The following IKBKB variants were observed in gnomAD, a reference collection of about 807,000 sequenced individuals.
IKBKB encodes inhibitor of nuclear factor kappa-B kinase subunit beta.
Under a neutral mutation model 113.6 loss-of-function variants are expected in IKBKB, and 42 were observed. The observed-to-expected ratio is 0.37, with a 90% CI of 0.29 to 0.48. The LOEUF is 0.48. IKBKB is among the 20% of genes least tolerant of loss of function. The pLI, the probability that IKBKB is intolerant of heterozygous loss-of-function variation, is 0.99. For missense variants in IKBKB, 673 were observed against 939.7 expected (o/e 0.72, Z 3.71); for synonymous variants, 296 against 361.3 (o/e 0.82, Z 2.05).
At chr8:42,272,006 T>G in intron 1 of IKBKB, 77 bp from the exon 2 acceptor site, 1 of 1,409,272 alleles carries the variant, frequency 7.1e-7, no homozygotes, top group Admixed American at 2.1e-5. Context: ...CAGTGGTATC[T>G]CTTGCCTTCT....
chr8:42,302,442 G>A (rs141129638), intron 5 of IKBKB, among the ~76,000 whole-genome samples: 2,654 of 152,202 alleles, frequency 0.017, 61 homozygotes, highest in African/African-American at 0.061. Context: ...CCACATGGTC[G>A]AAGGCTGGAC....
At chr8:42,314,079 A>G in intron 8 of IKBKB, 1 of 486,166 alleles carries the variant, frequency 2.1e-6, no homozygotes, top group East Asian at 3.6e-5. Flanking sequence ...AGATATGTTT[A>G]GATACACCAA....
At chr8:42,292,695 G>A (rs1162950417) in intron 4 of IKBKB, among the ~76,000 whole-genome samples, 2 of 152,140 alleles carry the variant, frequency 1.3e-5, no homozygotes, top group African/African-American at 4.8e-5. Flanking sequence ...CTCCTCGGAG[G>A]CCAGCTCCCA....
chr8:42,286,291 G>A (rs1460472941), intron 2 of IKBKB, among the ~76,000 whole-genome samples: 1 of 151,976 alleles, frequency 6.6e-6, no homozygotes, highest in Non-Finnish European at 1.5e-5. Context: ...TGGTTTATTG[G>A]TCAGTGACTC....
At chr8:42,296,005 A>T (rs1305619992) in intron 5 of IKBKB, among the ~76,000 whole-genome samples, 1 of 152,208 alleles carries the variant, frequency 6.6e-6, no homozygotes, top group Non-Finnish European at 1.5e-5. Flanking sequence ...GGTCTCCTAT[A>T]GATAGATAGG....
At chr8:42,326,389 C>T (rs1820735398) in intron 20 of IKBKB, 2 of 338,498 alleles carry the variant, frequency 5.9e-6, no homozygotes, top group Non-Finnish European at 1.1e-5. Flanking sequence ...TAGGAAGCCA[C>T]ATTCCCTTCA....
At chr8:42,322,214 C>G in intron 18 of IKBKB, 61 bp downstream of exon 18, 1 of 1,556,212 alleles carries the variant, frequency 6.4e-7, no homozygotes, top group Non-Finnish European at 8.9e-7. Context: ...ATGAGGTCAC[C>G]TTCCTCCCTC....
intron 7 of IKBKB, among the ~76,000 whole-genome samples, chr8:42,306,706 G>C (rs530018670): frequency 6.6e-6 from 1 of 152,234 alleles, no homozygotes; most frequent in Non-Finnish European, 1.5e-5. Flanking sequence ...TGTCTTCTCT[G>C]AAAGGAAAGG....
chr8:42,319,976 A>C, intron 15 of IKBKB: 1 of 264,986 alleles, frequency 3.8e-6, no homozygotes, highest in Non-Finnish European at 7.1e-6. Context: ...CCTCTTGTCG[A>C]AGGTTTTTGA....
chr8:42,291,361 T>C (rs1648543998), intron 4 of IKBKB, among the ~76,000 whole-genome samples: 1 of 152,138 alleles, frequency 6.6e-6, no homozygotes, highest in African/African-American at 2.4e-5. Context: ...TTTGTATTTT[T>C]AGTAGAGGCA....
chr8:42,290,231 C>T lies in IKBKB; in HGVS notation c.276C>T (p.Pro92=), dbSNP rs373547989. The T allele has an allele frequency of 7.4e-6, 12 of 1,613,522 alleles. No homozygotes were observed. The African/African-American group carries it at 1.6e-4, about 22-fold the overall frequency. The part of the protein sequence containing the change: ...GMQNLAPNDL[P]LLAMEYCQGG... The stretch of plus-strand genomic sequence containing the variant: ...AGAACTTGGCGCCCAATGACCTGCC[C>T]CTGCTGGCCATGGAGTACTGCCAAG... The change falls in exon 4 of 22, where the codon CCC becomes CCT. Residue 92 remains proline, a synonymous_variant. Coordinates refer to ENST00000520810, the MANE Select transcript of IKBKB (RefSeq NM_001556.3).
rs531097218 is a variant in IKBKB at position 42,331,278 on chromosome 8, G to A, written c.*299G>A. 1.0e-5 allele frequency: 7 copies of A among 702,080 alleles called. No homozygotes were observed. The highest frequency in any genetic ancestry group is 4.4e-5 in the South Asian group (3 of 67,554). The allele number at this position is 702,080 out of a possible 1,614,324, so 43.5% of individuals were successfully genotyped here. A position where few individuals can be genotyped will look rare whatever the true frequency, so the allele number is the denominator to read the frequency against. Reference sequence around the variant, plus strand: ...AGGTCCTCCATTACAGAGGCCCAGCGCACATCGCTGGCCCCACAAACGTTC... The same window carrying A: ...AGGTCCTCCATTACAGAGGCCCAGCACACATCGCTGGCCCCACAAACGTTC... On this transcript the variant is annotated 3_prime_UTR_variant, in exon 22 of 22. Coordinates refer to ENST00000520810, the MANE Select transcript of IKBKB (RefSeq NM_001556.3).
At chr8:42,272,511 A>G in intron 2 of IKBKB, 1 of 422,498 alleles carries the variant, frequency 2.4e-6, no homozygotes. Flanking sequence ...ATATGTTATA[A>G]AACATATAGA....
In IKBKB at chr8:42,272,112, A is replaced by G. The variant is rs781711025; in HGVS notation, c.12A>G (p.Ser4=). The G allele has an allele frequency of 6.2e-7, 1 of 1,614,106 alleles. No individual in the cohort carries two copies. The highest frequency in any genetic ancestry group is 8.5e-7 in the Non-Finnish European group (1 of 1,180,026). MSW[S]PSLTTQTCGA... is the part of the protein sequence containing the mutation. ...AGCACGACATCAGTATGAGCTGGTCACCTTCCCTGACAACGCAGACATGTG... is the reference window on the plus strand; with the variant it reads ...AGCACGACATCAGTATGAGCTGGTCGCCTTCCCTGACAACGCAGACATGTG... Residue 4 remains serine, a synonymous_variant, in exon 2 of 22, where the codon TCA becomes TCG. Transcript: ENST00000520810.
Position 42,309,031 on chromosome 8 carries a change from T to TG in IKBKB, c.692+9dup. The TG allele has an allele frequency of 6.2e-7, 1 of 1,612,874 alleles. No individual in the cohort carries two copies. Among genetic ancestry groups the TG allele is most frequent in the Non-Finnish European group, 8.5e-7 (1 of 1,179,320 alleles). The stretch of plus-strand genomic sequence containing the variant: ...AACTGGCAGCCCGTGCAGTGGTGAG[T>TG]GGGCCCGGGGCACCTGGATGGAGGA... On this transcript the variant is annotated splice_region_variant and intron_variant, in intron 8 of 21. Coordinates refer to ENST00000520810, the MANE Select transcript of IKBKB (RefSeq NM_001556.3).
Position 42,320,889 on chromosome 8 carries a change from C to A in IKBKB, c.1688+45C>A, listed in dbSNP as rs200102242. ...CCCCTCTGTGCCCAGCACACACAGA[C>A]AGCCCTGGAGCTTCGGTGTGTGTGT... On this transcript the variant is annotated intron_variant, in intron 16 of 21. Coordinates refer to ENST00000520810, the MANE Select transcript of IKBKB (RefSeq NM_001556.3). 6 of 1,289,228 alleles carry A rather than the reference C, an allele frequency of 4.7e-6. No individual in the cohort carries two copies. In the African/African-American group the frequency reaches 6.0e-5, roughly 13 times the overall value. The allele number at this position is 1,289,228 out of a possible 1,614,324, so 79.9% of individuals were successfully genotyped here.
intron 5 of IKBKB, among the ~76,000 whole-genome samples, chr8:42,299,940 T>G (rs1378716589): frequency 6.6e-6 from 1 of 152,188 alleles, no homozygotes; most frequent in Non-Finnish European, 1.5e-5. Context: ...GCCTTGGCAG[T>G]GAGGGCTGAC....
At chr8:42,320,594 C>A in intron 15 of IKBKB, 141 bp from the exon 16 acceptor site, 1 of 676,310 alleles carries the variant, frequency 1.5e-6, no homozygotes, top group East Asian at 2.9e-5. Flanking sequence ...CATTCAGACC[C>A]CACAGTCCAC....
chr8:42,281,830 T>TA (rs1249260093), intron 2 of IKBKB, among the ~76,000 whole-genome samples: 1 of 152,210 alleles, frequency 6.6e-6, no homozygotes, highest in East Asian at 1.9e-4. Context: ...CTTGCCATGA[T>TA]AACGGGACAC....
Sources: gnomAD v4.1 joint callset for allele counts (sites outside exome capture counted in the v4.1 genomes callset) on GRCh38, gnomAD v4.1.1 for gene constraint, MANE v1.5 for transcripts, NCBI Gene and HGNC (gene_info 2026-07-23, HGNC 2026-07-21) for gene names.